CLVS1: variants seen among roughly 807,000 people sequenced by gnomAD.
The protein encoded by CLVS1 is clavesin 1.
A neutral mutation model predicts 33.1 loss-of-function variants in CLVS1; 10 were observed. That is an observed-to-expected ratio of 0.30 (90% CI 0.19 to 0.51). The LOEUF is 0.51. CLVS1 is among the 20% of genes least tolerant of loss of function. CLVS1 has a pLI of 0.97. For missense variants in CLVS1, 343 were observed against 433.4 expected (o/e 0.79, Z 1.85); for synonymous variants, 163 against 166.1 (o/e 0.98, Z 0.14).
chr8:61,177,535 C>A (rs1563432502), intron 2 of CLVS1, among the ~76,000 whole-genome samples: 1 of 152,272 alleles, frequency 6.6e-6, no homozygotes, highest in South Asian at 2.1e-4. Context: ...CTGGGTGAGA[C>A]CCTCCAACAG....
At chr8:61,090,140 A>G (rs1330104684) in intron 1 of CLVS1, among the ~76,000 whole-genome samples, 1 of 152,190 alleles carries the variant, frequency 6.6e-6, no homozygotes, top group Non-Finnish European at 1.5e-5. Flanking sequence ...TTTTTCCTGT[A>G]AGGAGATATA....
the CLVS1 span, among the ~76,000 whole-genome samples, chr8:60,979,219 G>T: frequency 2.0e-5 from 3 of 152,202 alleles, no homozygotes; most frequent in African/African-American, 7.2e-5. Flanking sequence ...AAGGGGGGTT[G>T]TTGAACTAGA....
chr8:61,013,060 G>A, the CLVS1 span, among the ~76,000 whole-genome samples: 4 of 152,148 alleles, frequency 2.6e-5, no homozygotes, highest in African/African-American at 7.2e-5. Context: ...AGGCCCTCCT[G>A]CTACCAACAT....
intron 2 of CLVS1, among the ~76,000 whole-genome samples, chr8:61,276,544 G>A (rs912749800): frequency 1.3e-5 from 2 of 152,178 alleles, no homozygotes; most frequent in African/African-American, 4.8e-5. Flanking sequence ...AGTGCTCCAC[G>A]GCATTTTTCC....
intron 2 of CLVS1, among the ~76,000 whole-genome samples, chr8:61,135,020 G>A (rs1437520876): frequency 1.3e-5 from 2 of 151,812 alleles, no homozygotes; most frequent in Non-Finnish European, 1.5e-5. Flanking sequence ...ACTGAGATGA[G>A]GCATAAGGAA....
At chr8:61,237,164 AG>A (rs1360757633) in intron 2 of CLVS1, among the ~76,000 whole-genome samples, 1 of 152,250 alleles carries the variant, frequency 6.6e-6, no homozygotes, top group Admixed American at 6.5e-5. Context: ...AGTGAACTAA[AG>A]TCAAACCACA....
chr8:60,979,002 T>C, the CLVS1 span, among the ~76,000 whole-genome samples: 1 of 152,128 alleles, frequency 6.6e-6, no homozygotes, highest in Non-Finnish European at 1.5e-5. Context: ...CTACATACTC[T>C]ATATTTTGAC....
intron 2 of CLVS1, among the ~76,000 whole-genome samples, chr8:61,304,738 G>A (rs1356856071): frequency 1.3e-5 from 2 of 152,134 alleles, no homozygotes; most frequent in Non-Finnish European, 2.9e-5. Context: ...TGCCATGAAT[G>A]CCCCAGTGCT....
chr8:61,054,128 C>T (rs565795404), upstream of CLVS1, among the ~76,000 whole-genome samples: 1 of 152,320 alleles, frequency 6.6e-6, no homozygotes, highest in African/African-American at 2.4e-5. Flanking sequence ...AGTGCAGCCT[C>T]CTACATGAAA....
chr8:61,175,318 A>G (rs1201050563), intron 2 of CLVS1, among the ~76,000 whole-genome samples: 3 of 152,196 alleles, frequency 2.0e-5, no homozygotes, highest in African/African-American at 7.2e-5. Context: ...TTGTGCTTCT[A>G]TCATGTGAGG....
rs1051030663 is a variant in CLVS1 at position 61,140,404 on chromosome 8, G to A, written c.-152+8544G>A. 5.3e-5 allele frequency among the ~76,000 whole-genome samples: 8 copies of A among 152,254 alleles called. No individual in the cohort carries two copies. The East Asian group carries it at 1.3e-3, about 26-fold the overall frequency. On this transcript the variant is annotated intron_variant, in intron 2 of 2. Coordinates refer to the CLVS1 transcript ENST00000522621. ...TTCCGCTAAGAGATTTGGAGTGAAG[G>A]GAAGCATTTCTTCCGTCCTATTAGA... is the stretch of plus-strand genomic sequence containing the variant.
chr8:61,362,414 G>C (rs1426056335), intron 2 of CLVS1, among the ~76,000 whole-genome samples: 1 of 152,144 alleles, frequency 6.6e-6, no homozygotes, highest in Non-Finnish European at 1.5e-5. Context: ...CTGGACCTAG[G>C]AGTCGGGAAC....
rs1489178903 is a variant in CLVS1 at position 61,468,731 on chromosome 8, A to AG, written c.977+10189_977+10190insG. On this transcript the variant is annotated intron_variant, in intron 5 of 5. Transcript: ENST00000325897. The stretch of plus-strand genomic sequence containing the variant: ...GTAAAAGTACTAAAAAAAAAAAAAA[A>AG]AAAAAAAAGGTAGTTACTATGTGCT... 7.0e-3 allele frequency among the ~76,000 whole-genome samples: 1,048 copies of AG among 150,304 alleles called. 17 individuals carry two copies. Among genetic ancestry groups the AG allele is most frequent in the African/African-American group, 0.024 (982 of 40,184 alleles).
chr8:61,478,477 C>A (rs1452561951), intron 5 of CLVS1, among the ~76,000 whole-genome samples: 1 of 152,152 alleles, frequency 6.6e-6, no homozygotes, highest in Non-Finnish European at 1.5e-5. Flanking sequence ...TCTCTAAGGA[C>A]TTGCTTTATG....
At chr8:61,102,773 G>T (rs1055267683) in intron 1 of CLVS1, among the ~76,000 whole-genome samples, 7 of 151,844 alleles carry the variant, frequency 4.6e-5, no homozygotes, top group Non-Finnish European at 8.8e-5. Flanking sequence ...ATAGGAAAAA[G>T]GAAAAGAGAC....
intron 2 of CLVS1, among the ~76,000 whole-genome samples, chr8:61,243,912 C>T (rs926624101): frequency 1.3e-5 from 2 of 152,194 alleles, no homozygotes; most frequent in African/African-American, 4.8e-5. Flanking sequence ...ATACTTTACT[C>T]ATACATTTTT....
intron 2 of CLVS1, among the ~76,000 whole-genome samples, chr8:61,155,630 C>G (rs897600586): frequency 2.0e-5 from 3 of 151,998 alleles, no homozygotes; most frequent in Non-Finnish European, 4.4e-5. Flanking sequence ...ACATCTTTGG[C>G]ATATTTTGAT....
At chr8:61,150,498 C>T (rs887371866) in intron 2 of CLVS1, among the ~76,000 whole-genome samples, 4 of 152,132 alleles carry the variant, frequency 2.6e-5, no homozygotes, top group East Asian at 1.9e-4. Context: ...CTATGGGGGT[C>T]GGGGGCGTTT....
intron 1 of CLVS1, among the ~76,000 whole-genome samples, chr8:61,066,103 G>A (rs995565648): frequency 3.3e-5 from 5 of 152,212 alleles, no homozygotes; most frequent in South Asian, 4.1e-4. Context: ...TGGGAAGGAC[G>A]TAAGGGGGTA....
Sources: gnomAD v4.1 joint callset for allele counts (sites outside exome capture counted in the v4.1 genomes callset) on GRCh38, gnomAD v4.1.1 for gene constraint, MANE v1.5 for transcripts, NCBI Gene and HGNC (gene_info 2026-07-23, HGNC 2026-07-21) for gene names.